Variants in TOP2B observed in about 807,000 individuals in gnomAD.
TOP2B encodes the protein DNA topoisomerase II beta, also known as DNA topoisomerase 2-beta.
A neutral mutation model predicts 193.5 loss-of-function variants in TOP2B; 51 were observed. The ratio of observed to expected loss-of-function variants is 0.26; its 90% CI spans 0.21 to 0.33. TOP2B has a LOEUF of 0.33. TOP2B is among the 10% of genes least tolerant of loss of function. The probability of loss-of-function intolerance (pLI) is 1.00; values close to 1 mark genes in which losing one functional copy is unlikely to be tolerated. For missense variants in TOP2B, 1,378 were observed against 1,909.3 expected, an observed-to-expected ratio of 0.72 and a Z score of 5.19; for synonymous variants, 634 against 635.7, an observed-to-expected ratio of 1.00 and a Z score of 0.04.
At chr3:25,600,639 G>C (rs1702067497) in intron 34 of TOP2B, among the ~76,000 whole-genome samples, 1 of 152,202 alleles carries the variant, frequency 6.6e-6, no homozygotes, top group African/African-American at 2.4e-5. Flanking sequence ...GGGCTTTCCA[G>C]ATTCTGGAGT....
chr3:25,634,506 A>T (rs1703046732), intron 7 of TOP2B, among the ~76,000 whole-genome samples: 1 of 152,102 alleles, frequency 6.6e-6, no homozygotes, highest in Non-Finnish European at 1.5e-5. Flanking sequence ...TGGGGCAGAT[A>T]TTTAATAAGC....
At chr3:25,622,113 G>A (rs1321027824) in intron 21 of TOP2B, among the ~76,000 whole-genome samples, 3 of 152,042 alleles carry the variant, frequency 2.0e-5, no homozygotes, top group Non-Finnish European at 4.4e-5. Context: ...TTGATGTCTT[G>A]TCTTGACAAC....
rs769043942 is a variant in TOP2B at position 25,624,418 on chromosome 3, A to T, written c.2374T>A (p.Leu792Met). ...TTACTTCCCACAAAGTTCTGAGCCAAATTCACAATAGTCATCATCAATGCT... is the reference window on the plus strand; with the variant it reads ...TTACTTCCCACAAAGTTCTGAGCCATATTCACAATAGTCATCATCAATGCT... The part of the protein sequence containing the change: ...EQALMMTIVN[L>M]AQNFVGSNNI... Residue 792 changes from leucine (L) to methionine (M), a missense_variant, in exon 20 of 36, where the codon TTG becomes ATG. By Grantham distance (15) the Leu-to-Met change is conservative (BLOSUM62 2). Coordinates refer to ENST00000264331, the MANE Select transcript of TOP2B (RefSeq NM_001330700.2). 4 of 1,613,938 alleles carry T rather than the reference A, an allele frequency of 2.5e-6. No homozygotes were observed. The highest frequency in any genetic ancestry group is 3.4e-6 in the Non-Finnish European group (4 of 1,179,834).
chr3:25,624,659 T>C (rs372533523), intron 19 of TOP2B, 23 bp downstream of exon 19: 13 of 1,611,004 alleles, frequency 8.1e-6, no homozygotes, highest in African/African-American at 4.0e-5. Flanking sequence ...CAGTTCTCAA[T>C]TGATTCCAAT....
intron 25 of TOP2B, 92 bp downstream of exon 25, chr3:25,618,326 T>C: frequency 3.6e-6 from 3 of 827,238 alleles, no homozygotes; most frequent in Non-Finnish European, 6.0e-6. Context: ...CCTTTAGTAG[T>C]ACTAAATTTA....
At position 25,630,830 on chromosome 3, in the gene TOP2B, A is replaced by G; in HGVS notation, c.1376T>C (p.Ile459Thr). ...ATCATTAGCATCATCCAGTTTGGGA[A>G]TACCTTTGATTTTACTGTATTTTAC... is the stretch of plus-strand genomic sequence containing the variant. ...SSVKYSKIKG[I>T]PKLDDANDAG... Residue 459 changes from isoleucine to threonine, a missense_variant, in exon 11 of 36, where the codon ATT becomes ACT. Coordinates refer to ENST00000264331, the MANE Select transcript of TOP2B (RefSeq NM_001330700.2). 6.3e-7 allele frequency: 1 copy of G among 1,588,094 alleles called. No individual in the cohort carries two copies. The highest frequency in any genetic ancestry group is 8.5e-7 in the Non-Finnish European group (1 of 1,170,346).
At chr3:25,621,045 C>T (rs757541897) in intron 21 of TOP2B, among the ~76,000 whole-genome samples, 2 of 152,144 alleles carry the variant, frequency 1.3e-5, no homozygotes, top group Non-Finnish European at 2.9e-5. Context: ...TAGAACAGTA[C>T]TTTCTTTCAG....
At chr3:25,649,470 CA>C (rs1703516590) in intron 1 of TOP2B, among the ~76,000 whole-genome samples, 1 of 151,780 alleles carries the variant, frequency 6.6e-6, no homozygotes. Flanking sequence ...AAGTCATAGA[CA>C]AAGAGAGAAT....
At chr3:25,627,001 C>T in intron 16 of TOP2B, 137 bp from the exon 17 acceptor site, 1 of 703,434 alleles carries the variant, frequency 1.4e-6, no homozygotes. Context: ...TAATCAAAAA[C>T]ACATTTAAAC....
At chr3:25,607,682 G>C (rs908584546) in intron 30 of TOP2B, among the ~76,000 whole-genome samples, 1 of 152,136 alleles carries the variant, frequency 6.6e-6, no homozygotes, top group African/African-American at 2.4e-5. Flanking sequence ...AGTCAATATG[G>C]CCTTGTCTCA....
At chr3:25,642,454 T>C (rs1703291143) in intron 3 of TOP2B, 69 bp from the exon 4 acceptor site, 4 of 879,484 alleles carry the variant, frequency 4.5e-6, no homozygotes, top group Admixed American at 5.1e-5. Context: ...CACAACTGTA[T>C]GTGCATCACT....
chr3:25,599,315 T>A, intron 35 of TOP2B, 120 bp downstream of exon 35: 1 of 771,334 alleles, frequency 1.3e-6, no homozygotes, highest in East Asian at 2.7e-5. Flanking sequence ...ACAAGCCCCA[T>A]ATTGATACGA....
At chr3:25,625,854 G>A (rs975409663) in intron 18 of TOP2B, among the ~76,000 whole-genome samples, 1 of 152,148 alleles carries the variant, frequency 6.6e-6, no homozygotes, top group Non-Finnish European at 1.5e-5. Context: ...TAATTCTAGA[G>A]GCAAAATGAA....
intron 31 of TOP2B, 148 bp from the exon 32 acceptor site, chr3:25,606,270 G>A: frequency 2.1e-6 from 1 of 467,326 alleles, no homozygotes; most frequent in South Asian, 4.3e-5. Flanking sequence ...GTTAAAGACA[G>A]GGTAATAAAA....
intron 1 of TOP2B, among the ~76,000 whole-genome samples, chr3:25,654,775 G>A (rs554843707): frequency 6.6e-6 from 1 of 152,072 alleles, no homozygotes; most frequent in African/African-American, 2.4e-5. Context: ...TACATAAAAG[G>A]CCAAATGATT....
intron 21 of TOP2B, among the ~76,000 whole-genome samples, chr3:25,621,990 GAA>G (rs972338183): frequency 1.5e-5 from 2 of 132,680 alleles, no homozygotes; most frequent in African/African-American, 2.8e-5. Flanking sequence ...CTCTGTCTCA[GAA>G]AAAAAAAAAA....
In TOP2B at chr3:25,612,834, T is replaced by C. The variant is rs1034241951; in HGVS notation, c.3592-125A>G. 7.6e-6 allele frequency: 5 copies of C among 661,980 alleles called. No individual in the cohort carries two copies. In the East Asian group the frequency reaches 8.1e-5, roughly 11 times the overall value. The allele number at this position is 661,980 out of a possible 1,614,324, so 41.0% of individuals were successfully genotyped here. A position where few individuals can be genotyped will look rare whatever the true frequency, so the allele number is the denominator to read the frequency against. The stretch of plus-strand genomic sequence containing the variant: ...AGAATAAAGCTTTCCTTTTAACTTA[T>C]CTAATTCAAGATTAAATAATGGAAA... On this transcript the variant is annotated intron_variant, in intron 27 of 35. Transcript: ENST00000264331.
chr3:25,620,590 G>A lies in TOP2B; in HGVS notation c.2862+92C>T, dbSNP rs985098702. On this transcript the variant is annotated intron_variant, in intron 22 of 35. Transcript: ENST00000264331. ...ACAGGAATTTTTTAACACTACGCAC[G>A]CTTAGGACCAACAACGGTGGAATCA... is the stretch of plus-strand genomic sequence containing the variant. 24 of 1,397,346 alleles carry A rather than the reference G, an allele frequency of 1.7e-5. No homozygotes were observed. In the East Asian group the frequency reaches 4.1e-4, roughly 24 times the overall value. 86.6% of individuals were successfully genotyped at this position (1,397,346 alleles called of 1,614,324 possible). A position where few individuals can be genotyped will look rare whatever the true frequency, so the allele number is the denominator to read the frequency against.
intron 10 of TOP2B, 64 bp from the exon 11 acceptor site, chr3:25,631,003 T>C: frequency 1.4e-6 from 2 of 1,410,076 alleles, no homozygotes; most frequent in East Asian, 2.5e-5. Flanking sequence ...CTAAAATGTA[T>C]AGGGCCTAAT....
Sources: gnomAD v4.1 joint callset for allele counts (sites outside exome capture counted in the v4.1 genomes callset) on GRCh38, gnomAD v4.1.1 for gene constraint, MANE v1.5 for transcripts, NCBI Gene and HGNC (gene_info 2026-07-23, HGNC 2026-07-21) for gene names.